The following WDR64 variants were observed in gnomAD, a reference collection of about 807,000 sequenced individuals.
WDR64 encodes WD repeat domain 64.
In WDR64, 112 loss-of-function variants were observed where a neutral mutation model predicts 139.3. The observed-to-expected ratio is 0.80, with a 90% CI of 0.69 to 0.94. The LOEUF (loss-of-function observed/expected upper bound fraction) is 0.94. Among genes scored for constraint, WDR64 ranks in the 40% least tolerant of loss-of-function variants. The probability of loss-of-function intolerance (pLI) is 0.00; values close to 1 mark genes in which losing one functional copy is unlikely to be tolerated. For synonymous variants in WDR64, 444 were observed against 437.7 expected (o/e 1.01, Z -0.18); for missense variants, 1,206 against 1,293.1 (o/e 0.93, Z 1.03).
At chr1:241,788,582 G>C (rs1176112102) in intron 24 of WDR64, among the ~76,000 whole-genome samples, 1 of 152,152 alleles carries the variant, frequency 6.6e-6, no homozygotes, top group Non-Finnish European at 1.5e-5. Flanking sequence ...GAATCAGAGA[G>C]GGATATCAAA....
chr1:241,697,942 G>A (rs1667560620), intron 8 of WDR64, among the ~76,000 whole-genome samples: 1 of 152,072 alleles, frequency 6.6e-6, no homozygotes, highest in African/African-American at 2.4e-5. Context: ...TTCTTTTCAT[G>A]CCTTCTCTTA....
chr1:241,751,260 A>G (rs1669970669), intron 14 of WDR64, among the ~76,000 whole-genome samples: 1 of 152,182 alleles, frequency 6.6e-6, no homozygotes, highest in African/African-American at 2.4e-5. Context: ...CTAATCTGGT[A>G]GCCAGGCCAT....
intron 2 of WDR64, among the ~76,000 whole-genome samples, chr1:241,663,940 G>T (rs969964610): frequency 4.7e-5 from 7 of 150,048 alleles, no homozygotes; most frequent in Admixed American, 1.3e-4. Flanking sequence ...TTTTGTTTTT[G>T]TTTTTTTTTC....
In WDR64 at chr1:241,801,115, T is replaced by C. The variant is rs1189829315; in HGVS notation, c.3193-17T>C. ...GTAGAATGCCAGTTACTAACTGACATGCTCTTTATTTCACAGGCACCACGA... is the reference window on the plus strand; with the variant it reads ...GTAGAATGCCAGTTACTAACTGACACGCTCTTTATTTCACAGGCACCACGA... On this transcript the variant is annotated splice_polypyrimidine_tract_variant and intron_variant, in intron 27 of 27. Coordinates refer to ENST00000437684, the MANE Select transcript of WDR64 (RefSeq NM_001367482.1). 4 of 1,610,220 alleles carry C rather than the reference T, an allele frequency of 2.5e-6. No individual in the cohort carries two copies.
At chr1:241,766,622 AC>A (rs1224937058) in intron 16 of WDR64, among the ~76,000 whole-genome samples, 1 of 152,066 alleles carries the variant, frequency 6.6e-6, no homozygotes, top group African/African-American at 2.4e-5. Context: ...AATTGCTTGA[AC>A]CTGGGAGGTG....
intron 19 of WDR64, among the ~76,000 whole-genome samples, chr1:241,772,526 C>T (rs1292373779): frequency 3.1e-5 from 4 of 127,108 alleles, no homozygotes; most frequent in Non-Finnish European, 6.3e-5. Context: ...GTAGTAGTGC[C>T]ATCTCAGCTC....
chr1:241,796,786 G>A (rs1437960708), intron 27 of WDR64, among the ~76,000 whole-genome samples: 2 of 152,158 alleles, frequency 1.3e-5, no homozygotes, highest in African/African-American at 4.8e-5. Flanking sequence ...AAGCCACTGT[G>A]CCCGGCCTCA....
At chr1:241,758,532 AAGAAT>A (rs1370088490) in intron 15 of WDR64, among the ~76,000 whole-genome samples, 5 of 152,212 alleles carry the variant, frequency 3.3e-5, no homozygotes. Flanking sequence ...TTTTAAAGTG[AAGAAT>A]AGGTTTCCTA....
At chr1:241,763,536 C>T (rs1274021170) in intron 15 of WDR64, among the ~76,000 whole-genome samples, 2 of 152,128 alleles carry the variant, frequency 1.3e-5, no homozygotes, top group East Asian at 3.9e-4. Context: ...GAAACCTCAT[C>T]CTTAATAAAA....
At chr1:241,688,648 A>G (rs1165095917) in intron 8 of WDR64, among the ~76,000 whole-genome samples, 3 of 152,158 alleles carry the variant, frequency 2.0e-5, no homozygotes, top group Non-Finnish European at 4.4e-5. Context: ...TTGCCCCCAC[A>G]TTGGAGAGAC....
chr1:241,663,326 C>T (rs1389837847), intron 2 of WDR64, among the ~76,000 whole-genome samples: 1 of 152,220 alleles, frequency 6.6e-6, no homozygotes, highest in Non-Finnish European at 1.5e-5. Flanking sequence ...CTTCTTTTGC[C>T]ATTACTGGCT....
intron 8 of WDR64, among the ~76,000 whole-genome samples, chr1:241,706,681 T>C (rs1667965763): frequency 6.6e-6 from 1 of 152,256 alleles, no homozygotes; most frequent in Non-Finnish European, 1.5e-5. Context: ...AAGTATTCTT[T>C]CACATAGAGA....
In WDR64 at chr1:241,775,108, A is replaced by G; in HGVS notation, c.2434A>G (p.Arg812Gly). ...ATTTGCATTATACTTTATTTAGGGA[A>G]GACTACTGAAAGATATGCTACCTTT... ...GHLRLWTLEG[R>G]LLKDMLPFTK... Residue 812 changes from arginine to glycine, a missense_variant, in exon 21 of 28, where the codon AGA (arginine) becomes GGA (glycine). Arg to Gly is a moderately radical substitution (Grantham distance 125). Transcript: ENST00000437684. 6.5e-7 allele frequency: 1 copy of G among 1,549,928 alleles called. No individual in the cohort carries two copies.
chr1:241,680,610 GCCTACAC>G (rs900892715), intron 6 of WDR64, among the ~76,000 whole-genome samples: 1 of 151,848 alleles, frequency 6.6e-6, no homozygotes, highest in Non-Finnish European at 1.5e-5. Context: ...TTCCCTTCTT[GCCTACAC>G]CCTCTGGGGG....
At chr1:241,798,519 A>G (rs763047167) in intron 27 of WDR64, among the ~76,000 whole-genome samples, 39 of 152,336 alleles carry the variant, frequency 2.6e-4, no homozygotes, top group South Asian at 8.3e-4. Flanking sequence ...ATCACATAAA[A>G]TCAGTAGTTA....
intron 2 of WDR64, among the ~76,000 whole-genome samples, chr1:241,663,782 G>A (rs891081397): frequency 6.6e-6 from 1 of 152,198 alleles, no homozygotes; most frequent in Admixed American, 6.5e-5. Flanking sequence ...TGTGGCTAGG[G>A]GCTATTGTAT....
intron 2 of WDR64, among the ~76,000 whole-genome samples, chr1:241,667,981 C>T (rs1438794807): frequency 6.6e-6 from 1 of 152,126 alleles, no homozygotes; most frequent in East Asian, 1.9e-4. Context: ...CAAAATGTAG[C>T]TAGAAGAGGA....
chr1:241,800,269 G>T (rs1396085850), intron 27 of WDR64, among the ~76,000 whole-genome samples: 1 of 152,106 alleles, frequency 6.6e-6, no homozygotes, highest in South Asian at 2.1e-4. Flanking sequence ...TCCGTAAGTG[G>T]TTGAATCTTG....
intron 15 of WDR64, among the ~76,000 whole-genome samples, chr1:241,760,440 T>C (rs949858374): frequency 4.0e-5 from 6 of 150,894 alleles, no homozygotes; most frequent in Admixed American, 4.0e-4. Flanking sequence ...GAACTTAGCA[T>C]TGCCATGGCA....
Sources: gnomAD v4.1 joint callset for allele counts (sites outside exome capture counted in the v4.1 genomes callset) on GRCh38, gnomAD v4.1.1 for gene constraint, MANE v1.5 for transcripts, NCBI Gene and HGNC (gene_info 2026-07-23, HGNC 2026-07-21) for gene names.